Variants in KIF15 observed in about 807,000 individuals in gnomAD.
The protein encoded by KIF15 is kinesin-like protein KIF15.
KIF15 carries 140 observed loss-of-function variants against 190.6 expected under a neutral mutation model. The ratio of observed to expected loss-of-function variants is 0.73; its 90% CI spans 0.64 to 0.84. The LOEUF is 0.84. KIF15 is among the 40% of genes least tolerant of loss of function. KIF15 has a pLI of 0.00. For missense variants in KIF15, 1,372 were observed against 1,584.4 expected (o/e 0.87, Z 2.28); for synonymous variants, 528 against 551.3 (o/e 0.96, Z 0.59).
chr3:44,808,665 GGGATATGCCTT>G lies in KIF15; in HGVS notation c.1972-2180_1972-2170del, dbSNP rs146250181. Among the ~76,000 whole-genome samples the G allele has an allele frequency of 2.1e-3, 310 of 151,010 alleles. 4 individuals carry two copies. The East Asian group carries it at 0.036, about 17-fold the overall frequency. ...TCCACAATATGCTTTTGTTAACTCA[GGGATATGCCTT>G]AGATCTTTCCACATTAACTGGTACC... On this transcript the variant is annotated intron_variant, in intron 16 of 34. Coordinates refer to ENST00000326047, the MANE Select transcript of KIF15 (RefSeq NM_020242.3).
At chr3:44,831,535 T>C (rs1559578176) in intron 26 of KIF15, among the ~76,000 whole-genome samples, 1 of 152,208 alleles carries the variant, frequency 6.6e-6, no homozygotes, top group Non-Finnish European at 1.5e-5. Flanking sequence ...AAAAGGGCTG[T>C]TTAAACAGGC....
downstream of KIF15, among the ~76,000 whole-genome samples, chr3:44,857,183 C>T (rs750320899): frequency 9.2e-5 from 14 of 151,970 alleles, no homozygotes; most frequent in Admixed American, 3.9e-4. Flanking sequence ...TGTGGGAGGC[C>T]GGACTGAAGT....
intron 6 of KIF15, chr3:44,861,930 C>G: frequency 6.9e-7 from 1 of 1,443,214 alleles, no homozygotes. Context: ...GCAACATGGC[C>G]GAGAGGCCGG....
At chr3:44,821,664 C>T (rs1303714983) in intron 20 of KIF15, among the ~76,000 whole-genome samples, 1 of 151,574 alleles carries the variant, frequency 6.6e-6, no homozygotes, top group Non-Finnish European at 1.5e-5. Flanking sequence ...AGAGGGGCTC[C>T]TCACGTCCCA....
At chr3:44,860,449 C>T (rs1699228387) in intron 6 of KIF15, among the ~76,000 whole-genome samples, 1 of 152,152 alleles carries the variant, frequency 6.6e-6, no homozygotes, top group African/African-American at 2.4e-5. Context: ...CGGCTCACTG[C>T]AACCTCTGCC....
chr3:44,798,027 G>T, intron 10 of KIF15, 71 bp downstream of exon 10: 1 of 1,350,432 alleles, frequency 7.4e-7, no homozygotes, highest in Admixed American at 2.5e-5. Context: ...CCATTTTTGT[G>T]ATTGCCCTAA....
intron 20 of KIF15, among the ~76,000 whole-genome samples, chr3:44,824,024 G>A (rs953485735): frequency 1.3e-5 from 2 of 152,174 alleles, no homozygotes; most frequent in African/African-American, 4.8e-5. Context: ...TGCACCCACT[G>A]TCCAACCAGT....
At chr3:44,817,009 A>C (rs1575635952) in intron 20 of KIF15, among the ~76,000 whole-genome samples, 2 of 150,012 alleles carry the variant, frequency 1.3e-5, no homozygotes, top group African/African-American at 4.9e-5. Flanking sequence ...CATTTTTTTC[A>C]TGTGTCTCTT....
In KIF15 at chr3:44,830,930, A is replaced by G. The variant is rs1346599588; in HGVS notation, c.3083A>G (p.Glu1028Gly). Reference protein sequence around the residue: ...KYNSALVDREESRVLIKKQEV... With the variant: ...KYNSALVDREGSRVLIKKQEV... ...AACTCTGCTTTGGTTGACAGAGAAG[A>G]GAGCAGAGTGTTGATCAAGAAGCAG... The change falls in exon 26 of 35, where the codon GAG becomes GGG. Residue 1028 changes from glutamate (E) to glycine (G), a missense_variant. Glu to Gly is a moderately conservative substitution (Grantham distance 98, BLOSUM62 -2). Transcript: ENST00000326047. 6 of 1,613,974 alleles carry G rather than the reference A, an allele frequency of 3.7e-6. No homozygotes were observed. The highest frequency in any genetic ancestry group is 3.4e-6 in the Non-Finnish European group (4 of 1,180,002).
At chr3:44,806,675 T>C (rs1200611201) in intron 16 of KIF15, among the ~76,000 whole-genome samples, 2 of 152,160 alleles carry the variant, frequency 1.3e-5, no homozygotes, top group African/African-American at 2.4e-5. Context: ...GTCCCGGCTG[T>C]TTGGGAGGTT....
In KIF15 at chr3:44,848,504, T is replaced by G. The variant is rs1698947908; in HGVS notation, c.3769-17T>G. 1.9e-6 allele frequency: 2 copies of G among 1,064,788 alleles called. No homozygotes were observed. Among genetic ancestry groups the G allele is most frequent in the African/African-American group, 3.2e-5 (2 of 62,244 alleles). 66.0% of individuals were successfully genotyped at this position (1,064,788 alleles called of 1,614,324 possible). A position where few individuals can be genotyped will look rare whatever the true frequency, so the allele number is the denominator to read the frequency against. ...CCTAAGCAATCTTTTTATTTTCTTT[T>G]TTTAATCTTCTTATAGAGTAAAATA... On this transcript the variant is annotated splice_polypyrimidine_tract_variant and intron_variant, in intron 31 of 34. Coordinates refer to ENST00000326047, the MANE Select transcript of KIF15 (RefSeq NM_020242.3).
At chr3:44,762,036 C>A in intron 1 of KIF15, 152 bp downstream of exon 1, 3 of 943,662 alleles carry the variant, frequency 3.2e-6, no homozygotes, top group East Asian at 2.6e-5. Context: ...CCCGCTCTGT[C>A]GCTCAAAGAC....
At chr3:44,805,304 G>A (rs963434820) in intron 15 of KIF15, 136 bp downstream of exon 15, 7 of 794,386 alleles carry the variant, frequency 8.8e-6, no homozygotes, top group Admixed American at 5.8e-5. Flanking sequence ...TTGACATGAA[G>A]AGAAAGAGCA....
Position 44,800,343 on chromosome 3 carries a change from T to C in KIF15, c.1128T>C (p.Asn376=), listed in dbSNP as rs999633253. The C allele has an allele frequency of 5.6e-6, 9 of 1,614,018 alleles. No homozygotes were observed. The highest frequency in any genetic ancestry group is 7.6e-6 in the Non-Finnish European group (9 of 1,180,018). Residue 376 remains asparagine, a synonymous_variant, in exon 11 of 35, where the codon AAT becomes AAC. Transcript: ENST00000326047. ...TAGTAAATGAAGACACCCAAGGAAA[T>C]GTGAGCCAGCTCCAAGCTGAAGTGA... ...KAVVNEDTQG[N]VSQLQAEVKR... is the part of the protein sequence containing the mutation.
intron 20 of KIF15, among the ~76,000 whole-genome samples, chr3:44,822,769 G>A (rs1287579652): frequency 6.6e-6 from 1 of 152,076 alleles, no homozygotes; most frequent in Non-Finnish European, 1.5e-5. Flanking sequence ...TTCACTCAGT[G>A]ATACCCTTTC....
chr3:44,801,151 A>C (rs1707250287), intron 11 of KIF15, among the ~76,000 whole-genome samples: 1 of 140,652 alleles, frequency 7.1e-6, no homozygotes, highest in Non-Finnish European at 1.5e-5. Context: ...GTGACTACAG[A>C]CCCACGCCAC....
chr3:44,816,473 G>A (rs1708038396), intron 20 of KIF15, among the ~76,000 whole-genome samples: 1 of 147,622 alleles, frequency 6.8e-6, no homozygotes, highest in African/African-American at 2.5e-5. Flanking sequence ...TCCCACCTAT[G>A]AGTGAGAACA....
chr3:44,829,600 A>G (rs1575661194), intron 24 of KIF15, among the ~76,000 whole-genome samples: 1 of 126,296 alleles, frequency 7.9e-6, no homozygotes, highest in African/African-American at 3.3e-5. Context: ...TATATTATAT[A>G]TGCATATATA....
At chr3:44,839,364 C>T (rs1010348062) in intron 27 of KIF15, among the ~76,000 whole-genome samples, 2 of 151,482 alleles carry the variant, frequency 1.3e-5, no homozygotes, top group African/African-American at 4.9e-5. Context: ...CAGAGAGAGA[C>T]TCCATCTCAA....
Sources: gnomAD v4.1 joint callset for allele counts (sites outside exome capture counted in the v4.1 genomes callset) on GRCh38, gnomAD v4.1.1 for gene constraint, MANE v1.5 for transcripts, NCBI Gene and HGNC (gene_info 2026-07-23, HGNC 2026-07-21) for gene names.